Variants in SNRPD1 observed in about 807,000 individuals in gnomAD.
SNRPD1 encodes small nuclear ribonucleoprotein Sm D1.
Under a neutral mutation model 14.4 loss-of-function variants are expected in SNRPD1, and 1 was observed. That is an observed-to-expected ratio of 0.07 (90% CI 0.02 to 0.33). The LOEUF is 0.33. Among genes scored for constraint, SNRPD1 ranks in the 10% least tolerant of loss-of-function variants. SNRPD1 has a pLI of 1.00. For missense variants in SNRPD1, 52 were observed against 146.4 expected, an observed-to-expected ratio of 0.36 and a Z score of 3.33; for synonymous variants, 42 against 50.3, an observed-to-expected ratio of 0.83 and a Z score of 0.70.
At chr18:21,617,729 G>A (rs557453927) in intron 1 of SNRPD1, among the ~76,000 whole-genome samples, 4 of 152,084 alleles carry the variant, frequency 2.6e-5, no homozygotes, top group African/African-American at 9.7e-5. Flanking sequence ...TCGGCCAGGC[G>A]TGGTGGTTCA....
In SNRPD1 at chr18:21,623,772, A is replaced by G. The variant is rs1443945431; in HGVS notation, c.116A>G (p.His39Arg). 2 of 1,610,022 alleles carry G rather than the reference A, an allele frequency of 1.2e-6. No individual in the cohort carries two copies. Among genetic ancestry groups the G allele is most frequent in the Non-Finnish European group, 1.7e-6 (2 of 1,178,808 alleles). ...ITGVDVSMNT[H>R]LKAVKMTLKN... is the part of the protein sequence containing the mutation. ...GGTGTGGATGTCAGCATGAATACACATCTTAAAGCTGTGAAAATGACCCTG... is the reference window on the plus strand; with the variant it reads ...GGTGTGGATGTCAGCATGAATACACGTCTTAAAGCTGTGAAAATGACCCTG... The change falls in exon 3 of 4, where the codon CAT becomes CGT. Residue 39 changes from histidine (H) to arginine (R), a missense_variant. Physicochemically the swap from His to Arg is conservative, Grantham distance 29. Coordinates refer to ENST00000300413, the MANE Select transcript of SNRPD1 (RefSeq NM_006938.4).
chr18:21,613,066 C>T (rs72884773), intron 1 of SNRPD1, among the ~76,000 whole-genome samples: 137 of 152,266 alleles, frequency 9.0e-4, no homozygotes, highest in Non-Finnish European at 1.6e-3. Context: ...CTCTATTTCC[C>T]TTTAAGGTAG....
intron 3 of SNRPD1, 81 bp downstream of exon 3, chr18:21,624,020 C>A: frequency 1.2e-6 from 1 of 804,520 alleles, no homozygotes; most frequent in Non-Finnish European, 2.0e-6. Context: ...TATTTGCAAA[C>A]AACACAAGTG....
In SNRPD1 at chr18:21,631,706, G is replaced by A. The variant is rs2039086290; in HGVS notation, c.*2568G>A. On this transcript the variant is annotated 3_prime_UTR_variant, in exon 4 of 4. Coordinates refer to ENST00000300413, the MANE Select transcript of SNRPD1 (RefSeq NM_006938.4). Reference sequence around the variant, plus strand: ...GGCCTCCCAATGTGCTGGGATTACAGGCGTGAGCCACCGTGCGTCCCCGGC... The same window carrying A: ...GGCCTCCCAATGTGCTGGGATTACAAGCGTGAGCCACCGTGCGTCCCCGGC... 6.6e-6 allele frequency: 1 copy of A among 152,062 alleles called. No homozygotes were observed. The highest frequency in any genetic ancestry group is 1.5e-5 in the Non-Finnish European group (1 of 68,054). 9.4% of individuals were successfully genotyped at this position (152,062 alleles called of 1,614,324 possible).
chr18:21,615,544 G>A (rs1216227273), intron 1 of SNRPD1, among the ~76,000 whole-genome samples: 1 of 152,040 alleles, frequency 6.6e-6, no homozygotes, highest in Non-Finnish European at 1.5e-5. Flanking sequence ...CTTGAACCCA[G>A]GAGGTGGAGA....
In SNRPD1 at chr18:21,630,415, A is replaced by G. The variant is rs894673966; in HGVS notation, c.*1277A>G. The G allele has an allele frequency of 6.6e-6, 1 of 151,768 alleles. No homozygotes were observed. The highest frequency in any genetic ancestry group is 2.4e-5 in the African/African-American group (1 of 41,352). The allele number at this position is 151,768 out of a possible 1,614,324, so 9.4% of individuals were successfully genotyped here. The stretch of plus-strand genomic sequence containing the variant: ...GCTTAAATCTGTATTTTCATCATGT[A>G]TGTGAGTTTTTTTTTTTTTAAGTAA... On this transcript the variant is annotated 3_prime_UTR_variant, in exon 4 of 4. Transcript: ENST00000300413.
At chr18:21,612,791 A>G (rs534842235) in intron 1 of SNRPD1, among the ~76,000 whole-genome samples, 1 of 152,366 alleles carries the variant, frequency 6.6e-6, no homozygotes, top group African/African-American at 2.4e-5. Context: ...CAGTACTTAG[A>G]AAGCTGTATG....
chr18:21,613,621 C>G (rs893085540), intron 1 of SNRPD1, among the ~76,000 whole-genome samples: 1 of 152,024 alleles, frequency 6.6e-6, no homozygotes, highest in African/African-American at 2.4e-5. Context: ...CTTTGGGAGG[C>G]CAAGGCGGGT....
Position 21,631,700 on chromosome 18 carries a change from A to AT in SNRPD1, c.*2564dup, listed in dbSNP as rs930666116. ...GCACGAGGCCTCCCAATGTGCTGGG[A>AT]TTACAGGCGTGAGCCACCGTGCGTC... On this transcript the variant is annotated 3_prime_UTR_variant, in exon 4 of 4. Transcript: ENST00000300413. 6.6e-6 allele frequency: 1 copy of AT among 152,038 alleles called. No homozygotes were observed. The highest frequency in any genetic ancestry group is 1.5e-5 in the Non-Finnish European group (1 of 68,060). 9.4% of individuals were successfully genotyped at this position (152,038 alleles called of 1,614,324 possible). A position where few individuals can be genotyped will look rare whatever the true frequency, so the allele number is the denominator to read the frequency against.
At chr18:21,622,297 G>A (rs1170021306) in intron 1 of SNRPD1, among the ~76,000 whole-genome samples, 3 of 151,982 alleles carry the variant, frequency 2.0e-5, no homozygotes, top group Non-Finnish European at 4.4e-5. Context: ...CCGCCACCAT[G>A]CCCAGCTAAT....
intron 1 of SNRPD1, among the ~76,000 whole-genome samples, chr18:21,621,009 A>T (rs989229069): frequency 6.6e-6 from 1 of 152,060 alleles, no homozygotes; most frequent in Non-Finnish European, 1.5e-5. Context: ...TAAAAAAAAA[A>T]TACAAAAAAT....
At chr18:21,613,993 C>A (rs1381848179) in intron 1 of SNRPD1, among the ~76,000 whole-genome samples, 3 of 151,734 alleles carry the variant, frequency 2.0e-5, no homozygotes, top group Admixed American at 2.0e-4. Context: ...ATTTTTTAGG[C>A]TGGACGTGGT....
intron 1 of SNRPD1, 59 bp from the exon 2 acceptor site, chr18:21,622,666 C>G: frequency 2.4e-6 from 2 of 830,676 alleles, no homozygotes; most frequent in Non-Finnish European, 4.2e-6. Flanking sequence ...CACCCTTTCA[C>G]CTTAATAAAT....
intron 1 of SNRPD1, among the ~76,000 whole-genome samples, chr18:21,616,454 T>A (rs1806490164): frequency 6.6e-6 from 1 of 151,784 alleles, no homozygotes; most frequent in Non-Finnish European, 1.5e-5. Context: ...GCCTTCCAGG[T>A]TCAAGCGATT....
At chr18:21,618,950 G>A (rs1485514523) in intron 1 of SNRPD1, among the ~76,000 whole-genome samples, 3 of 152,140 alleles carry the variant, frequency 2.0e-5, no homozygotes, top group Non-Finnish European at 2.9e-5. Context: ...TAGTGCGGGA[G>A]GATAATAGGT....
chr18:21,624,001 T>G, intron 3 of SNRPD1, 62 bp downstream of exon 3: 1 of 932,102 alleles, frequency 1.1e-6, no homozygotes, highest in Non-Finnish European at 1.7e-6. Flanking sequence ...CTATTCATAA[T>G]ATAGATATTA....
chr18:21,621,269 G>T (rs2146258862), intron 1 of SNRPD1, among the ~76,000 whole-genome samples: 1 of 152,330 alleles, frequency 6.6e-6, no homozygotes, highest in Middle Eastern at 3.4e-3. Context: ...AGCAACTTGT[G>T]TTGGTGAGGG....
At chr18:21,614,856 C>T (rs918504949) in intron 1 of SNRPD1, among the ~76,000 whole-genome samples, 3 of 152,160 alleles carry the variant, frequency 2.0e-5, no homozygotes, top group Non-Finnish European at 2.9e-5. Flanking sequence ...TTCCTGGGCT[C>T]AGTTAGGGAG....
chr18:21,613,880 T>C (rs1447698232), intron 1 of SNRPD1, among the ~76,000 whole-genome samples: 1 of 119,238 alleles, frequency 8.4e-6, no homozygotes, highest in Non-Finnish European at 1.7e-5. Context: ...AAAAAAAAAT[T>C]ATATTCAGGG....
Sources: allele counts gnomAD v4.1 joint callset (sites outside exome capture counted in the v4.1 genomes callset), GRCh38; gene constraint gnomAD v4.1.1; transcripts MANE v1.5; gene names NCBI Gene and HGNC (gene_info 2026-07-23, HGNC 2026-07-21).